EYA2: variants seen among roughly 807,000 people sequenced by gnomAD.
EYA2 encodes EYA transcriptional coactivator and phosphatase 2.
In EYA2, 31 loss-of-function variants were observed where a neutral mutation model predicts 69.2. That is an observed-to-expected ratio of 0.45 (90% confidence interval 0.34 to 0.60). EYA2 has a LOEUF of 0.60. Among genes scored for constraint, EYA2 ranks in the 20% least tolerant of loss-of-function variants. The probability of loss-of-function intolerance (pLI) is 0.02; values close to 1 mark genes in which losing one functional copy is unlikely to be tolerated. For synonymous variants in EYA2, 257 were observed against 279.4 expected, an observed-to-expected ratio of 0.92 and a Z score of 0.80; for missense variants, 622 against 701.2, an observed-to-expected ratio of 0.89 and a Z score of 1.28.
chr20:47,161,985 C>T (rs2034077842), intron 10 of EYA2, among the ~76,000 whole-genome samples: 1 of 152,138 alleles, frequency 6.6e-6, no homozygotes, highest in African/African-American at 2.4e-5. Context: ...GACGAGAAGT[C>T]CAAGATCAAG....
At chr20:47,182,052 G>A (rs1330376566) in intron 14 of EYA2, among the ~76,000 whole-genome samples, 1 of 151,482 alleles carries the variant, frequency 6.6e-6, no homozygotes. Flanking sequence ...TTTCTCTCTT[G>A]TTGCCCAGGC....
At position 46,978,510 on chromosome 20, in the gene EYA2, G is replaced by A. The variant is rs369323703; in HGVS notation, c.-10-11491G>A. On this transcript the variant is annotated intron_variant, in intron 1 of 15. Coordinates refer to ENST00000327619, the MANE Select transcript of EYA2 (RefSeq NM_005244.5). ...CCTGTGGCAAGAGGGAGTGTGGAGC[G>A]AGAGAAAGGCCAGCGTGCTGGAATC... 52 of 524,908 alleles carry A rather than the reference G, an allele frequency of 9.9e-5. 1 individual carries two copies. Among genetic ancestry groups the A allele is most frequent in the Middle Eastern group, 6.4e-4 (2 of 3,146 alleles). 32.5% of individuals were successfully genotyped at this position (524,908 alleles called of 1,614,324 possible).
At chr20:47,159,613 T>C (rs536977124) in intron 10 of EYA2, among the ~76,000 whole-genome samples, 1 of 152,170 alleles carries the variant, frequency 6.6e-6, no homozygotes, top group African/African-American at 2.4e-5. Context: ...AGCATACTAA[T>C]GTAAGAAGTT....
Position 47,151,830 on chromosome 20 carries a change from A to G in EYA2, c.978+8682A>G, listed in dbSNP as rs140598204. On this transcript the variant is annotated intron_variant, in intron 10 of 15. Coordinates refer to ENST00000327619, the MANE Select transcript of EYA2 (RefSeq NM_005244.5). ...TGTGTATTCCAGGAGGGCAGAGAACATGTCCACTGTGTTCACTGCTATAAC... is the reference window on the plus strand; with the variant it reads ...TGTGTATTCCAGGAGGGCAGAGAACGTGTCCACTGTGTTCACTGCTATAAC... 5.4e-3 allele frequency among the ~76,000 whole-genome samples: 827 copies of G among 152,118 alleles called. 3 individuals are homozygous for G. The highest frequency in any genetic ancestry group is 8.2e-3 in the Non-Finnish European group (560 of 68,028).
chr20:47,011,408 C>T (rs1983049264), intron 4 of EYA2, among the ~76,000 whole-genome samples: 1 of 152,106 alleles, frequency 6.6e-6, no homozygotes, highest in Admixed American at 6.5e-5. Flanking sequence ...TGCTCAGATC[C>T]CTCCAGGGCC....
At chr20:46,932,608 T>G (rs1381542959) in intron 1 of EYA2, among the ~76,000 whole-genome samples, 1 of 152,142 alleles carries the variant, frequency 6.6e-6, no homozygotes, top group South Asian at 2.1e-4. Flanking sequence ...ACTGGCCAGG[T>G]GCGGTGGCTC....
intron 5 of EYA2, among the ~76,000 whole-genome samples, chr20:47,048,690 T>C (rs1317451738): frequency 6.6e-6 from 1 of 152,172 alleles, no homozygotes; most frequent in Non-Finnish European, 1.5e-5. Context: ...TGAGCCAAGA[T>C]CACGCCATTG....
chr20:47,021,998 T>C lies in EYA2; in HGVS notation c.415+5701T>C, dbSNP rs372811701. Among the ~76,000 whole-genome samples the C allele has an allele frequency of 3.3e-5, 5 of 152,074 alleles. No individual in the cohort carries two copies. In the East Asian group the frequency reaches 7.7e-4, roughly 23 times the overall value. On this transcript the variant is annotated intron_variant, in intron 5 of 15. Transcript: ENST00000327619. ...AGAGTTCCAGGAAAAAATAAAGGGGTTGGGGCGGGTCATGGTCATACATAC... is the reference window on the plus strand; with the variant it reads ...AGAGTTCCAGGAAAAAATAAAGGGGCTGGGGCGGGTCATGGTCATACATAC...
At chr20:47,029,122 C>T (rs754990905) in intron 5 of EYA2, among the ~76,000 whole-genome samples, 1 of 152,140 alleles carries the variant, frequency 6.6e-6, no homozygotes, top group Non-Finnish European at 1.5e-5. Context: ...ATGGAGAGAA[C>T]TGATGTGAAG....
intron 5 of EYA2, among the ~76,000 whole-genome samples, chr20:47,036,341 A>T (rs962089219): frequency 6.6e-6 from 1 of 152,222 alleles, no homozygotes; most frequent in Non-Finnish European, 1.5e-5. Flanking sequence ...AAACTCCCTG[A>T]TGAACAAAGT....
At chr20:47,146,434 C>T (rs1021087226) in intron 10 of EYA2, among the ~76,000 whole-genome samples, 3 of 152,138 alleles carry the variant, frequency 2.0e-5, no homozygotes, top group Non-Finnish European at 4.4e-5. Flanking sequence ...CCCCTGAAGT[C>T]GAAGTTGCAC....
chr20:46,977,774 G>A (rs1270798059), intron 1 of EYA2, among the ~76,000 whole-genome samples: 2 of 152,138 alleles, frequency 1.3e-5, no homozygotes, highest in East Asian at 3.8e-4. Context: ...ACACATTGCA[G>A]CCCTGCCCCA....
intron 1 of EYA2, among the ~76,000 whole-genome samples, chr20:46,927,707 G>C (rs1985477314): frequency 6.6e-6 from 1 of 152,116 alleles, no homozygotes; most frequent in Non-Finnish European, 1.5e-5. Context: ...ACAACACGTG[G>C]GAATTATGGG....
At chr20:47,131,810 T>G (rs1263216681) in intron 9 of EYA2, among the ~76,000 whole-genome samples, 1 of 152,222 alleles carries the variant, frequency 6.6e-6, no homozygotes, top group Non-Finnish European at 1.5e-5. Context: ...TGTACATTGT[T>G]TAAAGCCACT....
At chr20:47,167,531 G>A (rs571711325) in intron 10 of EYA2, among the ~76,000 whole-genome samples, 5 of 152,086 alleles carry the variant, frequency 3.3e-5, no homozygotes, top group East Asian at 1.9e-4. Flanking sequence ...TGATCCACCC[G>A]CCTCAGCCTC....
chr20:46,910,776 G>A (rs1984605567), intron 1 of EYA2, among the ~76,000 whole-genome samples: 1 of 152,184 alleles, frequency 6.6e-6, no homozygotes, highest in African/African-American at 2.4e-5. Context: ...GTTTTGTTTG[G>A]TCTGCAGATC....
chr20:46,943,200 G>A (rs1483655968), intron 1 of EYA2, among the ~76,000 whole-genome samples: 3 of 152,212 alleles, frequency 2.0e-5, no homozygotes, highest in African/African-American at 4.8e-5. Context: ...GCGCCTAGTG[G>A]GTAGAGGTCA....
Position 47,004,955 on chromosome 20 carries a change from G to A in EYA2, c.169G>A (p.Val57Ile), listed in dbSNP as rs1982614201. Residue 57 changes from valine (V) to isoleucine (I), a missense_variant, in exon 4 of 16, where the codon GTC becomes ATC. Physicochemically the swap from Val to Ile is conservative, Grantham distance 29 (BLOSUM62 3). This residue lies in a region of EYA2 where 365 missense variants were observed against 349.7 expected (regional missense o/e 1.04). Coordinates refer to ENST00000327619, the MANE Select transcript of EYA2 (RefSeq NM_005244.5). ...CTTTCCACACAGATCTTGCCCACGT[G>A]TCCTCCCCCGCCAGCCTTCCACAGC... ...SQLFSRSCPR[V>I]LPRQPSTAMA... 1 of 1,614,034 alleles carries A rather than the reference G, an allele frequency of 6.2e-7. No homozygotes were observed. Among genetic ancestry groups the A allele is most frequent in the Non-Finnish European group, 8.5e-7 (1 of 1,179,968 alleles).
intron 8 of EYA2, among the ~76,000 whole-genome samples, chr20:47,091,177 T>C (rs143762120): frequency 6.6e-6 from 1 of 152,100 alleles, no homozygotes; most frequent in Non-Finnish European, 1.5e-5. Flanking sequence ...TGCCACCAGA[T>C]GGTAAGAAAT....
Sources: gnomAD v4.1 joint callset for allele counts (sites outside exome capture counted in the v4.1 genomes callset) on GRCh38, gnomAD v4.1.1 for gene constraint, gnomAD v4.1.1 regional missense constraint, MANE v1.5 for transcripts, NCBI Gene and HGNC (gene_info 2026-07-23, HGNC 2026-07-21) for gene names.